The following EVI5 variants were observed in gnomAD, a reference collection of about 807,000 sequenced individuals.
The protein encoded by EVI5 is ecotropic viral integration site 5, also known as ecotropic viral integration site 5 protein homolog.
Under a neutral mutation model 112.0 loss-of-function variants are expected in EVI5, and 73 were observed. That is an observed-to-expected ratio of 0.65 (90% CI 0.54 to 0.79). The LOEUF is 0.79. Among genes scored for constraint, EVI5 ranks in the 30% least tolerant of loss-of-function variants. The pLI is 0.00. For missense variants in EVI5, 900 were observed against 968.8 expected, an observed-to-expected ratio of 0.93 and a Z score of 0.94; for synonymous variants, 305 against 319.9, an observed-to-expected ratio of 0.95 and a Z score of 0.50.
At chr1:92,570,556 T>C (rs11164778) in intron 18 of EVI5, among the ~76,000 whole-genome samples, 140,241 of 152,232 alleles carry the variant, frequency 0.92, 64,684 homozygotes, top group East Asian at 0.97. Flanking sequence ...GATAATATAA[T>C]ATTTTCAGGG....
chr1:92,773,246 TAGG>T (rs1220593648), intron 1 of EVI5, among the ~76,000 whole-genome samples: 1 of 145,314 alleles, frequency 6.9e-6, no homozygotes, highest in Non-Finnish European at 1.5e-5. Flanking sequence ...AATAGCCAAA[TAGG>T]AGATAGGACA....
At chr1:92,575,327 G>A (rs923393649) in intron 18 of EVI5, among the ~76,000 whole-genome samples, 4 of 152,006 alleles carry the variant, frequency 2.6e-5, no homozygotes, top group African/African-American at 7.2e-5. Flanking sequence ...TTTTACTACC[G>A]TATATTTCAT....
chr1:92,738,250 G>C (rs935199784), intron 1 of EVI5, among the ~76,000 whole-genome samples: 8 of 152,056 alleles, frequency 5.3e-5, no homozygotes, highest in East Asian at 3.9e-4. Context: ...TTATCCTATC[G>C]ATCTTAGGAT....
chr1:92,674,424 C>T (rs1479968221), intron 10 of EVI5, among the ~76,000 whole-genome samples: 1 of 152,102 alleles, frequency 6.6e-6, no homozygotes, highest in Non-Finnish European at 1.5e-5. Flanking sequence ...TCTCAGCAAA[C>T]TAACACAGGA....
Position 92,784,809 on chromosome 1 carries a change from CGCCCGGCCT to C in EVI5, c.-82+18_-82+26del, listed in dbSNP as rs1217196460. On this transcript the variant is annotated intron_variant, in intron 1 of 19. Transcript: ENST00000684568. ...TCACCGCCCGCCCGGCCTCCCGGCC[CGCCCGGCCT>C]GGCGCAGCGCCCCTCACCTTGGAAA... 1 of 985,490 alleles carries C rather than the reference CGCCCGGCCT, an allele frequency of 1.0e-6. No homozygotes were observed. The highest frequency in any genetic ancestry group is 1.7e-5 in the African/African-American group (1 of 57,198). 61.0% of individuals were successfully genotyped at this position (985,490 alleles called of 1,614,324 possible). A position where few individuals can be genotyped will look rare whatever the true frequency, so the allele number is the denominator to read the frequency against.
At chr1:92,684,603 C>A (rs1330711020) in intron 9 of EVI5, among the ~76,000 whole-genome samples, 1 of 152,098 alleles carries the variant, frequency 6.6e-6, no homozygotes. Flanking sequence ...AAGACACAGA[C>A]TGGCAAATTA....
intron 13 of EVI5, among the ~76,000 whole-genome samples, chr1:92,640,558 C>G (rs1401402107): frequency 6.6e-6 from 1 of 152,052 alleles, no homozygotes; most frequent in Non-Finnish European, 1.5e-5. Context: ...AATGAGATAC[C>G]ATCTCATGCC....
chr1:92,586,757 A>G (rs2101163682), intron 18 of EVI5, among the ~76,000 whole-genome samples: 1 of 148,502 alleles, frequency 6.7e-6, no homozygotes, highest in African/African-American at 2.5e-5. Context: ...TTTTATTATT[A>G]TTATACTTTA....
intron 3 of EVI5, 146 bp from the exon 4 acceptor site, chr1:92,703,765 A>G (rs1671551429): frequency 2.3e-5 from 14 of 597,560 alleles, no homozygotes; most frequent in Non-Finnish European, 2.0e-5. Context: ...AGACTAGGGA[A>G]CCCTGTAAGT....
At chr1:92,589,544 G>C (rs549472916) in intron 18 of EVI5, among the ~76,000 whole-genome samples, 3 of 152,168 alleles carry the variant, frequency 2.0e-5, no homozygotes, top group Admixed American at 6.5e-5. Context: ...AGATCAAACT[G>C]CAAGGCGGCA....
intron 1 of EVI5, among the ~76,000 whole-genome samples, chr1:92,781,583 T>C (rs544578600): frequency 8.1e-4 from 124 of 152,220 alleles, no homozygotes; most frequent in Non-Finnish European, 1.6e-3. Flanking sequence ...AGGTTAGGCA[T>C]TGATTTCTTA....
chr1:92,760,529 C>T (rs1418133404), intron 1 of EVI5, among the ~76,000 whole-genome samples: 3 of 151,272 alleles, frequency 2.0e-5, no homozygotes, highest in African/African-American at 2.4e-5. Context: ...GTCAGGAGTT[C>T]GAGACCAGCC....
At chr1:92,631,482 GTC>G (rs1657092366) in intron 14 of EVI5, among the ~76,000 whole-genome samples, 1 of 152,128 alleles carries the variant, frequency 6.6e-6, no homozygotes, top group South Asian at 2.1e-4. Flanking sequence ...CTCTCTGTTT[GTC>G]TGTTATTGGT....
chr1:92,550,760 AAAAAAAAAAAAAAAAAAAAAAATATAT>A (rs1388614009), intron 19 of EVI5, among the ~76,000 whole-genome samples: 1 of 46,458 alleles, frequency 2.2e-5, no homozygotes, highest in Non-Finnish European at 3.9e-5. Context: ...AAAAAAAAAA[AAAAAAAAAAAAAAAAAAAAAAATATAT>A]ATATATATAT....
intron 9 of EVI5, among the ~76,000 whole-genome samples, chr1:92,678,259 G>A (rs1055367031): frequency 6.6e-6 from 1 of 152,136 alleles, no homozygotes; most frequent in Non-Finnish European, 1.5e-5. Context: ...CACTGACCAC[G>A]GTGGATCATG....
intron 13 of EVI5, among the ~76,000 whole-genome samples, chr1:92,657,682 A>C (rs533119604): frequency 1.8e-4 from 28 of 152,170 alleles, no homozygotes; most frequent in East Asian, 9.7e-4. Context: ...ACAAAAAAAA[A>C]CTAAAAAACC....
intron 18 of EVI5, among the ~76,000 whole-genome samples, chr1:92,568,114 C>T (rs185820062): frequency 1.3e-3 from 194 of 152,064 alleles, no homozygotes; most frequent in African/African-American, 4.6e-3. Flanking sequence ...TGGCTTATGA[C>T]TGTATTCCTA....
intron 1 of EVI5, among the ~76,000 whole-genome samples, chr1:92,757,851 G>A (rs1457228537): frequency 2.1e-5 from 3 of 143,770 alleles, no homozygotes; most frequent in African/African-American, 7.7e-5. Flanking sequence ...GCAGTGAGCC[G>A]AGACTGAGCC....
chr1:92,773,345 CA>C (rs1257452908), intron 1 of EVI5, among the ~76,000 whole-genome samples: 1 of 152,074 alleles, frequency 6.6e-6, no homozygotes, highest in African/African-American at 2.4e-5. Context: ...GGATGAATTT[CA>C]AAAACATTAT....
Sources: gnomAD v4.1 joint callset for allele counts (sites outside exome capture counted in the v4.1 genomes callset) on GRCh38, gnomAD v4.1.1 for gene constraint, MANE v1.5 for transcripts, NCBI Gene and HGNC (gene_info 2026-07-23, HGNC 2026-07-21) for gene names.